The following HSD17B3 variants were observed in gnomAD, a reference collection of about 807,000 sequenced individuals.
HSD17B3 encodes the protein hydroxysteroid 17-beta dehydrogenase 3, also known as 17-beta-hydroxysteroid dehydrogenase type 3.
A neutral mutation model predicts 41.1 loss-of-function variants in HSD17B3; 29 were observed. That is an observed-to-expected ratio of 0.71 (90% CI 0.53 to 0.96). The LOEUF (loss-of-function observed/expected upper bound fraction) is 0.96, where lower values mean the gene tolerates loss of function less well. Among genes scored for constraint, HSD17B3 ranks in the 40% least tolerant of loss-of-function variants. The pLI is 0.00. For missense variants in HSD17B3, 323 were observed against 374.6 expected, an observed-to-expected ratio of 0.86 and a Z score of 1.14; for synonymous variants, 126 against 145.6, an observed-to-expected ratio of 0.87 and a Z score of 0.97.
At chr9:96,257,048 C>T (rs1374988664) in intron 2 of HSD17B3, among the ~76,000 whole-genome samples, 2 of 152,166 alleles carry the variant, frequency 1.3e-5, no homozygotes, top group East Asian at 1.9e-4. Context: ...GAGAAGTGCT[C>T]GCTCCCTCTT....
Position 96,240,871 on chromosome 9 carries a change from T to C in HSD17B3, c.709A>G (p.Lys237Glu). Reference protein sequence around the residue: ...TPYAVSTAMTKYLNTNVITKT... With the variant: ...TPYAVSTAMTEYLNTNVITKT... Reference sequence around the variant, plus strand: ...GTTATCACATTTGTATTTAGATACTTTGTCATTGCAGTCGAGACAGCATAT... The same window carrying C: ...GTTATCACATTTGTATTTAGATACTCTGTCATTGCAGTCGAGACAGCATAT... The change falls in exon 10 of 11, where the codon AAG becomes GAG. Residue 237 changes from lysine (K) to glutamate (E), a missense_variant. Coordinates refer to ENST00000375263, the MANE Select transcript of HSD17B3 (RefSeq NM_000197.2). The C allele has an allele frequency of 1.2e-6, 2 of 1,614,188 alleles. No individual in the cohort carries two copies. The highest frequency in any genetic ancestry group is 1.7e-6 in the Non-Finnish European group (2 of 1,180,032).
chr9:96,237,228 C>A (rs971640053), intron 10 of HSD17B3, among the ~76,000 whole-genome samples: 1 of 152,150 alleles, frequency 6.6e-6, no homozygotes, highest in Non-Finnish European at 1.5e-5. Flanking sequence ...CAATTCCAGC[C>A]CCCTTTAAAA....
intron 2 of HSD17B3, among the ~76,000 whole-genome samples, chr9:96,259,725 GA>G (rs11410872): frequency 7.5e-4 from 110 of 147,360 alleles, no homozygotes; most frequent in African/African-American, 2.2e-3. Context: ...CGTCTCAAAA[GA>G]AAAAAAAAAA....
chr9:96,245,301 T>G (rs764970955), intron 8 of HSD17B3, 44 bp downstream of exon 8: 1 of 1,462,182 alleles, frequency 6.8e-7, no homozygotes, highest in Non-Finnish European at 9.6e-7. Flanking sequence ...CTGGGAGAAA[T>G]AAGAGGAAGA....
intron 2 of HSD17B3, among the ~76,000 whole-genome samples, chr9:96,293,668 T>C (rs1025297791): frequency 1.3e-5 from 2 of 151,922 alleles, no homozygotes; most frequent in African/African-American, 2.4e-5. Context: ...TGTATGTGTG[T>C]GTGTGTGTGT....
intron 2 of HSD17B3, 72 bp downstream of exon 2, chr9:96,298,344 G>T: frequency 8.6e-7 from 1 of 1,167,020 alleles, no homozygotes; most frequent in Non-Finnish European, 1.3e-6. Flanking sequence ...AAAATCTAGT[G>T]TTGGGGTGGA....
At chr9:96,253,308 GGACTCTGCTGCTT>G (rs1373956045) in intron 3 of HSD17B3, among the ~76,000 whole-genome samples, 1 of 152,092 alleles carries the variant, frequency 6.6e-6, no homozygotes, top group Non-Finnish European at 1.5e-5. Context: ...CACCTCCGAG[GGACTCTGCTGCTT>G]GCTCAAGTTC....
At chr9:96,265,362 C>T (rs1304586755) in intron 2 of HSD17B3, among the ~76,000 whole-genome samples, 2 of 152,196 alleles carry the variant, frequency 1.3e-5, no homozygotes, top group Non-Finnish European at 2.9e-5. Context: ...TCCTTTGTTA[C>T]TAAGTCAATA....
chr9:96,275,122 T>C (rs1380269383), intron 2 of HSD17B3, among the ~76,000 whole-genome samples: 1 of 151,980 alleles, frequency 6.6e-6, no homozygotes, highest in Non-Finnish European at 1.5e-5. Flanking sequence ...CCAAGAATAC[T>C]ATACCCAGCA....
At chr9:96,285,086 G>A (rs1019217297) in intron 2 of HSD17B3, among the ~76,000 whole-genome samples, 4 of 152,084 alleles carry the variant, frequency 2.6e-5, no homozygotes, top group African/African-American at 9.7e-5. Context: ...TGATCTGCCT[G>A]CCTCAGCCTC....
At chr9:96,274,020 G>C (rs943067854) in intron 2 of HSD17B3, among the ~76,000 whole-genome samples, 4 of 152,200 alleles carry the variant, frequency 2.6e-5, no homozygotes, top group African/African-American at 7.2e-5. Flanking sequence ...AAAAATCAAG[G>C]AAACATGACA....
chr9:96,300,448 T>C lies in HSD17B3; in HGVS notation c.154+1503A>G, dbSNP rs184426110. Among the ~76,000 whole-genome samples, 3 of 142,660 alleles carry C rather than the reference T, an allele frequency of 2.1e-5. 1 individual carries two copies. The highest frequency in any genetic ancestry group is 7.9e-5 in the Admixed American group (1 of 12,668). The allele number at this position is 142,660 out of a possible 152,430, so 93.6% of individuals were successfully genotyped here. A position where few individuals can be genotyped will look rare whatever the true frequency, so the allele number is the denominator to read the frequency against. On this transcript the variant is annotated intron_variant, in intron 1 of 10. Coordinates refer to ENST00000375263, the MANE Select transcript of HSD17B3 (RefSeq NM_000197.2). ...TGTTTAATGCATGTCTCATGCCATATGTGAGTTATACTAAAAAAGTATTCC... is the reference window on the plus strand; with the variant it reads ...TGTTTAATGCATGTCTCATGCCATACGTGAGTTATACTAAAAAAGTATTCC...
chr9:96,246,677 A>G (rs1451627453), intron 6 of HSD17B3, 87 bp from the exon 7 acceptor site: 1 of 1,201,082 alleles, frequency 8.3e-7, no homozygotes, highest in Non-Finnish European at 1.2e-6. Flanking sequence ...GGAGCGCGGG[A>G]GGAAGCTGGG....
intron 10 of HSD17B3, among the ~76,000 whole-genome samples, chr9:96,235,864 G>A (rs1418747744): frequency 6.6e-6 from 1 of 152,118 alleles, no homozygotes; most frequent in East Asian, 1.9e-4. Flanking sequence ...GGAGTGCAGT[G>A]GCACGATCAC....
intron 8 of HSD17B3, among the ~76,000 whole-genome samples, 199 bp downstream of exon 8, chr9:96,245,146 C>A (rs1176274046): frequency 6.6e-6 from 1 of 152,182 alleles, no homozygotes; most frequent in African/African-American, 2.4e-5. Flanking sequence ...AAGTTGTGCA[C>A]CGCAGGGCTT....
Position 96,235,454 on chromosome 9 carries a change from G to T in HSD17B3, c.*6C>A. ...AAAAGGTTGTGCTGGACTCCTCACC[G>T]CCTGGCTACCTGACCTTGGTGTTGA... is the stretch of plus-strand genomic sequence containing the variant. On this transcript the variant is annotated 3_prime_UTR_variant, in exon 11 of 11. Coordinates refer to ENST00000375263, the MANE Select transcript of HSD17B3 (RefSeq NM_000197.2). 1 of 1,604,886 alleles carries T rather than the reference G, an allele frequency of 6.2e-7. No homozygotes were observed. The highest frequency in any genetic ancestry group is 8.5e-7 in the Non-Finnish European group (1 of 1,172,434).
chr9:96,252,460 T>A (rs2130729543), intron 4 of HSD17B3, among the ~76,000 whole-genome samples: 1 of 151,580 alleles, frequency 6.6e-6, no homozygotes, highest in South Asian at 2.1e-4. Context: ...GGAGAATCAC[T>A]TGAACCTGGC....
Position 96,301,967 on chromosome 9 carries a change from T to TG in HSD17B3, c.137dup (p.Met47AsnfsTer33). 2 of 1,614,070 alleles carry TG rather than the reference T, an allele frequency of 1.2e-6. No individual in the cohort carries two copies. Among genetic ancestry groups the TG allele is most frequent in the Non-Finnish European group, 1.7e-6 (2 of 1,180,008 alleles). On this transcript the variant is annotated frameshift_variant, in exon 1 of 11. Transcript: ENST00000375263. LOFTEE classifies it high-confidence loss of function. ...CTCCCTTACCTGCCCACTGTCCCAT[T>TG]GACCGCAAGAAAGACTTTGGCAAAA...
chr9:96,241,765 T>C (rs964018924), intron 9 of HSD17B3, among the ~76,000 whole-genome samples: 1 of 151,798 alleles, frequency 6.6e-6, no homozygotes, highest in Non-Finnish European at 1.5e-5. Flanking sequence ...CAAAACCTCA[T>C]CTCCATTAAA....
Sources: allele counts gnomAD v4.1 joint callset (sites outside exome capture counted in the v4.1 genomes callset), GRCh38; gene constraint gnomAD v4.1.1; transcripts MANE v1.5; gene names NCBI Gene and HGNC (gene_info 2026-07-23, HGNC 2026-07-21).